Variants in TOX observed in about 807,000 individuals in gnomAD.
The protein encoded by TOX is thymocyte selection associated high mobility group box.
A neutral mutation model predicts 53.7 loss-of-function variants in TOX; 11 were observed. That is an observed-to-expected ratio of 0.20 (90% CI 0.13 to 0.34). The LOEUF (loss-of-function observed/expected upper bound fraction) is 0.34. TOX is among the 10% of genes least tolerant of loss of function. The pLI is 1.00. For missense variants in TOX, 570 were observed against 664.6 expected, an observed-to-expected ratio of 0.86 and a Z score of 1.56; for synonymous variants, 225 against 245.3, an observed-to-expected ratio of 0.92 and a Z score of 0.77.
rs532764517 is a variant in TOX, at chr8:59,022,108, T to C, written c.103-62100A>G. ...AATTTAAGTTGCACCCCTGATTAAA[T>C]GCAGAAGGTGTTTATGAACCATCAT... On this transcript the variant is annotated intron_variant, in intron 1 of 8. Coordinates refer to ENST00000361421, the MANE Select transcript of TOX (RefSeq NM_014729.3). Among the ~76,000 whole-genome samples, 5 of 152,338 alleles carry C rather than the reference T, an allele frequency of 3.3e-5. No individual in the cohort carries two copies. The South Asian group carries it at 1.0e-3, about 32-fold the overall frequency.
At chr8:59,113,837 A>G (rs1278831118) in intron 1 of TOX, among the ~76,000 whole-genome samples, 1 of 152,200 alleles carries the variant, frequency 6.6e-6, no homozygotes, top group Non-Finnish European at 1.5e-5. Flanking sequence ...AAGAATCATC[A>G]GTATTTGAGA....
chr8:59,063,905 T>TGTGC (rs1289564696), intron 1 of TOX, among the ~76,000 whole-genome samples: 2 of 152,010 alleles, frequency 1.3e-5, no homozygotes, highest in African/African-American at 4.8e-5. Context: ...TGTATGTGTG[T>TGTGC]GTGTGTGTTC....
At chr8:59,033,878 C>A (rs554664997) in intron 1 of TOX, among the ~76,000 whole-genome samples, 4 of 152,284 alleles carry the variant, frequency 2.6e-5, no homozygotes, top group African/African-American at 9.6e-5. Context: ...GTGACCTTAG[C>A]AGATAGGGCG....
intron 1 of TOX, among the ~76,000 whole-genome samples, chr8:59,087,990 T>C (rs961851009): frequency 6.6e-6 from 1 of 152,236 alleles, no homozygotes; most frequent in Non-Finnish European, 1.5e-5. Context: ...GTGTGGACTT[T>C]CACTGTCATG....
At chr8:58,881,723 C>CAAAAAAAAAAA (rs11316154) in intron 3 of TOX, among the ~76,000 whole-genome samples, 1 of 82,524 alleles carries the variant, frequency 1.2e-5, no homozygotes, top group Non-Finnish European at 2.2e-5. Context: ...GATTCCATCT[C>CAAAAAAAAAAA]AAAAAAAAAA....
intron 3 of TOX, among the ~76,000 whole-genome samples, chr8:58,858,716 G>A (rs1004501199): frequency 1.7e-4 from 26 of 152,204 alleles, no homozygotes; most frequent in Admixed American, 1.7e-3. Context: ...AGACCCTGCT[G>A]GCTTTAGCTG....
intron 3 of TOX, among the ~76,000 whole-genome samples, chr8:58,865,413 A>G (rs369117292): frequency 6.6e-6 from 1 of 152,110 alleles, no homozygotes; most frequent in South Asian, 2.1e-4. Flanking sequence ...TTAATTTGGT[A>G]TCCTCGTACT....
At chr8:59,061,153 G>A (rs747826291) in intron 1 of TOX, among the ~76,000 whole-genome samples, 71 of 152,156 alleles carry the variant, frequency 4.7e-4, no homozygotes, top group Non-Finnish European at 8.1e-4. Flanking sequence ...AATGAAAACA[G>A]AACATGTTTA....
In TOX at chr8:58,995,580, T is replaced by G. The variant is rs533467328; in HGVS notation, c.103-35572A>C. Among the ~76,000 whole-genome samples, 6 of 152,268 alleles carry G rather than the reference T, an allele frequency of 3.9e-5. No homozygotes were observed. In the Middle Eastern group the frequency reaches 0.01, roughly 261 times the overall value. Reference sequence around the variant, plus strand: ...GTTTATCAAGATCTCTCTACCCCTCTGGATAACACAGACAACTGAAAAAGC... The same window carrying G: ...GTTTATCAAGATCTCTCTACCCCTCGGGATAACACAGACAACTGAAAAAGC... On this transcript the variant is annotated intron_variant, in intron 1 of 8. Transcript: ENST00000361421.
At chr8:59,028,229 T>C (rs1259079879) in intron 1 of TOX, among the ~76,000 whole-genome samples, 6 of 152,128 alleles carry the variant, frequency 3.9e-5, no homozygotes, top group Non-Finnish European at 8.8e-5. Context: ...CATTCCTCAA[T>C]AAGAACGAAC....
chr8:58,986,455 G>A (rs555830259), intron 1 of TOX, among the ~76,000 whole-genome samples: 4 of 152,306 alleles, frequency 2.6e-5, no homozygotes, highest in East Asian at 1.9e-4. Context: ...AACGTGGATC[G>A]AATAAACCTC....
At chr8:58,903,065 G>A (rs79520409) in intron 3 of TOX, among the ~76,000 whole-genome samples, 6,349 of 152,212 alleles carry the variant, frequency 0.042, 436 homozygotes, top group African/African-American at 0.14. Flanking sequence ...AAAAGTCTTC[G>A]AATGGAGCAT....
chr8:59,089,668 C>T (rs188999724), intron 1 of TOX, among the ~76,000 whole-genome samples: 21 of 152,360 alleles, frequency 1.4e-4, no homozygotes, highest in Admixed American at 1.3e-3. Context: ...CCACTGACTG[C>T]AGCCTCAATC....
intron 1 of TOX, among the ~76,000 whole-genome samples, chr8:59,092,302 T>TATTATATATACATTATA (rs1804630725): frequency 1.9e-5 from 2 of 104,608 alleles, no homozygotes; most frequent in South Asian, 2.4e-4. Flanking sequence ...ATTATATATA[T>TATTATATATACATTATA]TATATATTAT....
chr8:59,069,522 G>C (rs1048082745), intron 1 of TOX, among the ~76,000 whole-genome samples: 2 of 152,182 alleles, frequency 1.3e-5, no homozygotes, highest in African/African-American at 4.8e-5. Context: ...ATAGTTAGTA[G>C]CTGAAGCCAT....
At chr8:59,027,706 C>T (rs1814271280) in intron 1 of TOX, among the ~76,000 whole-genome samples, 1 of 151,650 alleles carries the variant, frequency 6.6e-6, no homozygotes, top group Admixed American at 6.6e-5. Flanking sequence ...TCACAATCTA[C>T]TCATGAGATT....
chr8:59,010,514 G>A (rs563829277), intron 1 of TOX, among the ~76,000 whole-genome samples: 14 of 152,246 alleles, frequency 9.2e-5, no homozygotes, highest in Middle Eastern at 3.4e-3. Context: ...TCTGCCTGCC[G>A]TAATCATGCT....
At chr8:58,943,825 C>A (rs1285223756) in intron 2 of TOX, among the ~76,000 whole-genome samples, 1 of 152,106 alleles carries the variant, frequency 6.6e-6, no homozygotes, top group Non-Finnish European at 1.5e-5. Flanking sequence ...ATGAACCATG[C>A]GAGCTCCCTC....
At chr8:59,073,201 C>T (rs1297715427) in intron 1 of TOX, among the ~76,000 whole-genome samples, 2 of 152,146 alleles carry the variant, frequency 1.3e-5, no homozygotes, top group Non-Finnish European at 1.5e-5. Context: ...ATACTTATAA[C>T]TGATACTTGG....
Sources: gnomAD v4.1 joint callset for allele counts (sites outside exome capture counted in the v4.1 genomes callset) on GRCh38, gnomAD v4.1.1 for gene constraint, MANE v1.5 for transcripts, NCBI Gene and HGNC (gene_info 2026-07-23, HGNC 2026-07-21) for gene names.